The following NELL2 variants were observed in gnomAD, a reference collection of about 807,000 sequenced individuals.
NELL2 encodes the protein protein kinase C-binding protein NELL2.
A neutral mutation model predicts 109.6 loss-of-function variants in NELL2; 41 were observed. The ratio of observed to expected loss-of-function variants is 0.37; its 90% CI spans 0.29 to 0.49. NELL2 has a LOEUF of 0.49. Among genes scored for constraint, NELL2 ranks in the 20% least tolerant of loss-of-function variants. NELL2 has a pLI of 0.98. For missense variants in NELL2, 900 were observed against 1,008.3 expected (o/e 0.89, Z 1.45); for synonymous variants, 355 against 344.7 (o/e 1.03, Z -0.33).
chr12:44,875,523 A>T, intron 1 of NELL2, 170 bp from the exon 2 acceptor site: 1 of 1,613,918 alleles, frequency 6.2e-7, no homozygotes, highest in Non-Finnish European at 8.5e-7. Context: ...TCAGCAGCCA[A>T]GCTTTAAATA....
At chr12:44,511,498 G>T (rs917449681) in intron 19 of NELL2, among the ~76,000 whole-genome samples, 1 of 152,194 alleles carries the variant, frequency 6.6e-6, no homozygotes, top group Non-Finnish European at 1.5e-5. Flanking sequence ...AAGGAAAGCA[G>T]AAAGCCACAA....
At chr12:44,718,004 G>A (rs1490151929) in intron 9 of NELL2, among the ~76,000 whole-genome samples, 2 of 152,176 alleles carry the variant, frequency 1.3e-5, no homozygotes, top group African/African-American at 4.8e-5. Flanking sequence ...GCCATTAAGA[G>A]GTCTAGTTTA....
chr12:44,649,895 T>C (rs76186263), intron 13 of NELL2, among the ~76,000 whole-genome samples: 1 of 152,270 alleles, frequency 6.6e-6, no homozygotes, highest in East Asian at 1.9e-4. Context: ...CAGTTGTTTA[T>C]CACTGGACTC....
intron 2 of NELL2, among the ~76,000 whole-genome samples, chr12:44,820,967 T>G (rs1943522912): frequency 6.6e-6 from 1 of 151,280 alleles, no homozygotes; most frequent in African/African-American, 2.4e-5. Context: ...GTCACAGGAA[T>G]GAGAGGAGGA....
At chr12:44,842,947 A>C (rs1204699039) in intron 2 of NELL2, among the ~76,000 whole-genome samples, 3 of 152,000 alleles carry the variant, frequency 2.0e-5, no homozygotes, top group Non-Finnish European at 4.4e-5. Context: ...GCAAGAAAGG[A>C]CTCCTCAGAG....
At chr12:44,525,547 G>C (rs946545234) in intron 16 of NELL2, among the ~76,000 whole-genome samples, 1 of 152,156 alleles carries the variant, frequency 6.6e-6, no homozygotes, top group African/African-American at 2.4e-5. Flanking sequence ...TGGTGGTATA[G>C]AATTTTGGAA....
intron 19 of NELL2, among the ~76,000 whole-genome samples, chr12:44,511,674 CA>C (rs1232101108): frequency 2.0e-5 from 3 of 152,196 alleles, no homozygotes; most frequent in African/African-American, 7.2e-5. Context: ...AAGAGAGCCA[CA>C]GTTTGAAGGT....
At chr12:44,794,385 A>G (rs1942543436) in intron 3 of NELL2, among the ~76,000 whole-genome samples, 1 of 152,142 alleles carries the variant, frequency 6.6e-6, no homozygotes, top group South Asian at 2.1e-4. Context: ...CTCTTGGTAC[A>G]ATTGGAGGCA....
chr12:44,698,623 A>G (rs1949131040), intron 12 of NELL2, among the ~76,000 whole-genome samples: 1 of 152,192 alleles, frequency 6.6e-6, no homozygotes, highest in Non-Finnish European at 1.5e-5. Flanking sequence ...AAGAGAAACT[A>G]GGCTATCAGT....
At chr12:44,570,173 G>A (rs538988898) in intron 15 of NELL2, among the ~76,000 whole-genome samples, 1 of 152,306 alleles carries the variant, frequency 6.6e-6, no homozygotes, top group East Asian at 1.9e-4. Flanking sequence ...CTTCAAGTAT[G>A]TAATTTTCCA....
intron 9 of NELL2, among the ~76,000 whole-genome samples, chr12:44,721,991 C>T (rs766849773): frequency 5.9e-5 from 9 of 151,540 alleles, no homozygotes; most frequent in South Asian, 2.1e-4. Context: ...GTAAGACAAG[C>T]GGAAGGAATG....
chr12:44,613,611 C>A (rs1430866679), intron 13 of NELL2, among the ~76,000 whole-genome samples: 1 of 152,034 alleles, frequency 6.6e-6, no homozygotes, highest in East Asian at 1.9e-4. Flanking sequence ...TTTACACTAT[C>A]ACTTTAAATC....
At chr12:44,686,956 C>T (rs973610696) in intron 12 of NELL2, among the ~76,000 whole-genome samples, 2 of 152,232 alleles carry the variant, frequency 1.3e-5, no homozygotes, top group Admixed American at 6.5e-5. Context: ...GTTCTAGCTT[C>T]CCTGCTGCTT....
At chr12:44,699,463 G>C (rs144989966) in intron 12 of NELL2, among the ~76,000 whole-genome samples, 4 of 152,010 alleles carry the variant, frequency 2.6e-5, no homozygotes, top group African/African-American at 9.7e-5. Context: ...TGAGATACTG[G>C]GGCAAGGAGA....
chr12:44,835,352 C>A (rs1222724020), intron 2 of NELL2, among the ~76,000 whole-genome samples: 1 of 152,194 alleles, frequency 6.6e-6, no homozygotes, highest in Non-Finnish European at 1.5e-5. Flanking sequence ...TGGTTCCTTT[C>A]ACCAAACCAC....
At chr12:44,574,272 C>A (rs1592141385) in intron 15 of NELL2, among the ~76,000 whole-genome samples, 1 of 151,682 alleles carries the variant, frequency 6.6e-6, no homozygotes, top group African/African-American at 2.4e-5. Flanking sequence ...TGGCTATGTT[C>A]TGTTTTATTT....
intron 13 of NELL2, among the ~76,000 whole-genome samples, chr12:44,639,807 C>A (rs1190821870): frequency 1.3e-5 from 2 of 152,120 alleles, no homozygotes; most frequent in African/African-American, 4.8e-5. Flanking sequence ...TAAAACACTT[C>A]AATGGCTTAC....
chr12:44,825,640 A>T (rs1592608323), intron 2 of NELL2, among the ~76,000 whole-genome samples: 1 of 149,570 alleles, frequency 6.7e-6, no homozygotes, highest in African/African-American at 2.4e-5. Flanking sequence ...AGGTGATCCG[A>T]CTGCCTCGGC....
chr12:44,758,080 T>C (rs1278604244), intron 9 of NELL2, among the ~76,000 whole-genome samples: 1 of 151,832 alleles, frequency 6.6e-6, no homozygotes, highest in African/African-American at 2.4e-5. Flanking sequence ...GCCACACACA[T>C]ACACACACAA....
Sources: allele counts gnomAD v4.1 joint callset (sites outside exome capture counted in the v4.1 genomes callset), GRCh38; gene constraint gnomAD v4.1.1; transcripts MANE v1.5; gene names NCBI Gene and HGNC (gene_info 2026-07-23, HGNC 2026-07-21).